The following SLC30A6 variants were observed in gnomAD, a reference collection of about 807,000 sequenced individuals.
SLC30A6 encodes solute carrier family 30 member 6.
In SLC30A6, 55 loss-of-function variants were observed where a neutral mutation model predicts 63.0. That is an observed-to-expected ratio of 0.87 (90% CI 0.70 to 1.09). The LOEUF is 1.09. Among genes scored for constraint, SLC30A6 ranks in the 50% least tolerant of loss-of-function variants. The pLI is 0.00. For synonymous variants in SLC30A6, 224 were observed against 186.1 expected, an observed-to-expected ratio of 1.20 and a Z score of -1.66; for missense variants, 587 against 549.2, an observed-to-expected ratio of 1.07 and a Z score of -0.69.
At position 32,221,821 on chromosome 2, in the gene SLC30A6, C is replaced by G. The variant is rs954309356; in HGVS notation, c.*1108C>G. On this transcript the variant is annotated 3_prime_UTR_variant, in exon 14 of 14. Coordinates refer to ENST00000282587, the MANE Select transcript of SLC30A6 (RefSeq NM_017964.5). ...TATGCAGTGAAAGAATCCCAATTTT[C>G]TATGTTACATTTAATCAAATACTGA... is the stretch of plus-strand genomic sequence containing the variant. The G allele has an allele frequency of 2.6e-5, 4 of 152,164 alleles. No individual in the cohort carries two copies. The highest frequency in any genetic ancestry group is 9.7e-5 in the African/African-American group (4 of 41,446). The allele number at this position is 152,164 out of a possible 1,614,324, so 9.4% of individuals were successfully genotyped here. A position where few individuals can be genotyped will look rare whatever the true frequency, so the allele number is the denominator to read the frequency against.
chr2:32,189,645 G>C (rs1431655043), intron 5 of SLC30A6, among the ~76,000 whole-genome samples: 2 of 107,748 alleles, frequency 1.9e-5, no homozygotes, highest in Admixed American at 2.8e-4. Flanking sequence ...ATCTAACTCT[G>C]TAGCCCATGT....
At chr2:32,167,523 T>C (rs1347184940) in intron 1 of SLC30A6, among the ~76,000 whole-genome samples, 1 of 152,184 alleles carries the variant, frequency 6.6e-6, no homozygotes, top group Non-Finnish European at 1.5e-5. Flanking sequence ...AATTGTTCTC[T>C]GTTCTCTATC....
intron 1 of SLC30A6, among the ~76,000 whole-genome samples, chr2:32,167,950 G>T (rs1680830266): frequency 6.6e-6 from 1 of 152,170 alleles, no homozygotes; most frequent in Non-Finnish European, 1.5e-5. Context: ...TTTCTAGACT[G>T]TAAGCTCATT....
intron 7 of SLC30A6, 103 bp from the exon 8 acceptor site, chr2:32,193,786 G>T: frequency 1.2e-6 from 1 of 847,970 alleles, no homozygotes; most frequent in Non-Finnish European, 1.9e-6. Context: ...CATTAAAGCA[G>T]ACCACTTTAC....
At chr2:32,195,435 G>A (rs1235132060) in intron 8 of SLC30A6, among the ~76,000 whole-genome samples, 1 of 151,810 alleles carries the variant, frequency 6.6e-6, no homozygotes, top group African/African-American at 2.4e-5. Flanking sequence ...GAATGTAAAT[G>A]ATTTTTTAAT....
At chr2:32,169,115 T>C (rs1241853637) in intron 1 of SLC30A6, among the ~76,000 whole-genome samples, 1 of 152,112 alleles carries the variant, frequency 6.6e-6, no homozygotes, top group Admixed American at 6.6e-5. Context: ...AAGAAAAGAA[T>C]ATATATACAT....
intron 10 of SLC30A6, chr2:32,201,533 T>G: frequency 2.5e-6 from 2 of 791,824 alleles, no homozygotes; most frequent in Non-Finnish European, 3.8e-6. Flanking sequence ...CCTGTTTCCT[T>G]TCACGTTTTT....
At chr2:32,206,384 T>G (rs1287881668) in intron 11 of SLC30A6, among the ~76,000 whole-genome samples, 1 of 151,538 alleles carries the variant, frequency 6.6e-6, no homozygotes. Context: ...AGGCGGAGCT[T>G]GCAGTGAGCC....
chr2:32,209,816 A>G (rs1320063615), intron 13 of SLC30A6, among the ~76,000 whole-genome samples: 1 of 152,164 alleles, frequency 6.6e-6, no homozygotes, highest in Non-Finnish European at 1.5e-5. Context: ...AATCTCCCAA[A>G]CAATAGAGGA....
rs541554041 is a variant in SLC30A6 at position 32,181,846 on chromosome 2, C to T, written c.219-2427C>T. 5.3e-3 allele frequency among the ~76,000 whole-genome samples: 787 copies of T among 149,640 alleles called. 7 individuals carry two copies. The highest frequency in any genetic ancestry group is 0.018 in the African/African-American group (715 of 40,586). On this transcript the variant is annotated intron_variant, in intron 4 of 13. Transcript: ENST00000282587. ...TTGTGCCACTGCACTCCAACCTGGG[C>T]GACAGAGTGAGACTCCGTCTCAAAA...
chr2:32,220,158 T>G, intron 13 of SLC30A6, 55 bp from the exon 14 acceptor site: 1 of 1,525,828 alleles, frequency 6.6e-7, no homozygotes, highest in Non-Finnish European at 8.8e-7. Context: ...ATCTAATGAA[T>G]TTTTTGTTAG....
chr2:32,193,106 C>A (rs192948701), intron 7 of SLC30A6, among the ~76,000 whole-genome samples, 153 bp downstream of exon 7: 1 of 152,028 alleles, frequency 6.6e-6, no homozygotes, highest in African/African-American at 2.4e-5. Context: ...ACTAAGACTC[C>A]GTTTCTTTAC....
At chr2:32,170,633 C>T (rs934707760) in intron 1 of SLC30A6, among the ~76,000 whole-genome samples, 1 of 152,218 alleles carries the variant, frequency 6.6e-6, no homozygotes, top group African/African-American at 2.4e-5. Flanking sequence ...GAGTCTCACT[C>T]TGTCACCGAG....
chr2:32,199,137 A>G (rs759121246), intron 10 of SLC30A6, among the ~76,000 whole-genome samples: 1 of 152,218 alleles, frequency 6.6e-6, no homozygotes, highest in Admixed American at 6.5e-5. Flanking sequence ...CTCAAGGTTC[A>G]TCTATGTTGT....
intron 13 of SLC30A6, among the ~76,000 whole-genome samples, chr2:32,219,128 G>C (rs36107816): frequency 0.01 from 1,543 of 152,134 alleles, 13 homozygotes; most frequent in Non-Finnish European, 0.015. Flanking sequence ...CCGCCTCCCA[G>C]GTTCAAGCAA....
chr2:32,177,892 G>T (rs1468033995), intron 4 of SLC30A6, among the ~76,000 whole-genome samples: 1 of 150,890 alleles, frequency 6.6e-6, no homozygotes, highest in Non-Finnish European at 1.5e-5. Context: ...GCCTCCCAAA[G>T]TGCTAAGATT....
intron 1 of SLC30A6, among the ~76,000 whole-genome samples, chr2:32,167,303 G>A (rs1680764808): frequency 6.6e-6 from 1 of 151,410 alleles, no homozygotes. Flanking sequence ...GCGAACTCCT[G>A]ACCTCAGGTG....
intron 5 of SLC30A6, chr2:32,187,072 G>A: frequency 2.5e-6 from 1 of 394,744 alleles, no homozygotes; most frequent in South Asian, 1.9e-5. Context: ...TACAATTTAT[G>A]TAACCAAACT....
At chr2:32,177,874 C>G (rs1681915498) in intron 4 of SLC30A6, among the ~76,000 whole-genome samples, 1 of 151,966 alleles carries the variant, frequency 6.6e-6, no homozygotes, top group Non-Finnish European at 1.5e-5. Context: ...AGTCATCTGC[C>G]TGCCTCCGCC....
Sources: gnomAD v4.1 joint callset for allele counts (sites outside exome capture counted in the v4.1 genomes callset) on GRCh38, gnomAD v4.1.1 for gene constraint, MANE v1.5 for transcripts, NCBI Gene and HGNC (gene_info 2026-07-23, HGNC 2026-07-21) for gene names.